Variants in C12orf50 observed in about 807,000 individuals in gnomAD.
The protein encoded by C12orf50 is uncharacterized protein C12orf50.
C12orf50 carries 35 observed loss-of-function variants against 61.6 expected under a neutral mutation model. The observed-to-expected ratio is 0.57, with a 90% CI of 0.43 to 0.75. The LOEUF is 0.75. Among genes scored for constraint, C12orf50 ranks in the 30% least tolerant of loss-of-function variants. The pLI is 0.00. For missense variants in C12orf50, 475 were observed against 488.5 expected, an observed-to-expected ratio of 0.97 and a Z score of 0.26; for synonymous variants, 178 against 161.5, an observed-to-expected ratio of 1.10 and a Z score of -0.77.
chr12:88,018,102 T>C (rs1368356763), intron 3 of C12orf50, among the ~76,000 whole-genome samples: 1 of 152,234 alleles, frequency 6.6e-6, no homozygotes, highest in African/African-American at 2.4e-5. Context: ...ATGTCTCCAA[T>C]GTATGTCAGG....
At chr12:88,007,580 A>G (rs1174278914) in intron 3 of C12orf50, among the ~76,000 whole-genome samples, 1 of 152,220 alleles carries the variant, frequency 6.6e-6, no homozygotes, top group African/African-American at 2.4e-5. Context: ...ACACAGAAGA[A>G]GGCAGAAGGG....
chr12:88,019,906 A>T (rs1178485802), intron 3 of C12orf50, among the ~76,000 whole-genome samples: 1 of 152,234 alleles, frequency 6.6e-6, no homozygotes, highest in South Asian at 2.1e-4. Context: ...GAGAAAAAAA[A>T]ATTCCAACCA....
chr12:88,029,930 T>C (rs140772022), upstream of C12orf50, among the ~76,000 whole-genome samples: 664 of 152,318 alleles, frequency 4.4e-3, 5 homozygotes, highest in African/African-American at 0.015. Context: ...CTTCTTCCTA[T>C]AGCAGAAAGT....
intron 7 of C12orf50, among the ~76,000 whole-genome samples, chr12:87,990,928 A>G (rs2031091242): frequency 6.6e-6 from 1 of 152,140 alleles, no homozygotes; most frequent in Admixed American, 6.6e-5. Flanking sequence ...CTGGGAGGCT[A>G]AAAACTGGTC....
At chr12:88,008,579 ATTTATATAATTCTTAAATAAAGAATTG>A (rs1250644157) in intron 3 of C12orf50, among the ~76,000 whole-genome samples, 1 of 152,112 alleles carries the variant, frequency 6.6e-6, no homozygotes, top group African/African-American at 2.4e-5. Context: ...ATAAAGAATT[ATTTATATAATTCTTAAATAAAGAATTG>A]TTTGCTTAAG....
chr12:87,980,632 C>T (rs1012819790), intron 12 of C12orf50, among the ~76,000 whole-genome samples: 3 of 152,072 alleles, frequency 2.0e-5, no homozygotes, highest in South Asian at 2.1e-4. Context: ...AACGAAGGCT[C>T]CATCATATGG....
chr12:88,018,755 C>T (rs2032405286), intron 3 of C12orf50, among the ~76,000 whole-genome samples: 1 of 152,196 alleles, frequency 6.6e-6, no homozygotes, highest in South Asian at 2.1e-4. Context: ...GACCTGGAGT[C>T]AAAGGAGATC....
In C12orf50 at chr12:87,980,231, G is replaced by A; in HGVS notation, c.*100C>T. 8.7e-7 allele frequency: 1 copy of A among 1,144,054 alleles called. No individual in the cohort carries two copies. Among genetic ancestry groups the A allele is most frequent in the Non-Finnish European group, 1.3e-6 (1 of 769,462 alleles). 70.9% of individuals were successfully genotyped at this position (1,144,054 alleles called of 1,614,324 possible). On this transcript the variant is annotated 3_prime_UTR_variant, in exon 13 of 13. Coordinates refer to ENST00000298699, the MANE Select transcript of C12orf50 (RefSeq NM_152589.3). ...CTTTGGCTATCCACTACATAACATG[G>A]AGTACTTGAGTATCTCATTCTTTGA...
chr12:88,007,650 A>G (rs973641650), intron 3 of C12orf50, among the ~76,000 whole-genome samples: 1 of 152,212 alleles, frequency 6.6e-6, no homozygotes, highest in Admixed American at 6.5e-5. Context: ...CCTTAATCCT[A>G]TTCATATTCA....
At chr12:88,013,861 G>A (rs1306370199) in intron 3 of C12orf50, among the ~76,000 whole-genome samples, 1 of 152,180 alleles carries the variant, frequency 6.6e-6, no homozygotes, top group Non-Finnish European at 1.5e-5. Context: ...TTTGGTGGTT[G>A]TTGTTTTAAG....
At chr12:88,026,880 G>T in intron 2 of C12orf50, 71 bp downstream of exon 2, 1 of 1,544,230 alleles carries the variant, frequency 6.5e-7, no homozygotes, top group South Asian at 1.3e-5. Context: ...ATATTGTTTT[G>T]AAAAAGTATA....
intron 3 of C12orf50, among the ~76,000 whole-genome samples, chr12:88,000,669 C>G (rs2031618656): frequency 6.6e-6 from 1 of 151,866 alleles, no homozygotes; most frequent in Non-Finnish European, 1.5e-5. Flanking sequence ...AGTCTATGAA[C>G]AAGGATATCT....
intron 3 of C12orf50, among the ~76,000 whole-genome samples, chr12:88,000,386 T>C (rs1393042154): frequency 1.3e-5 from 2 of 152,116 alleles, no homozygotes; most frequent in Non-Finnish European, 2.9e-5. Context: ...CCTGTCTCAA[T>C]GACATATAGA....
chr12:88,018,839 C>A (rs942703394), intron 3 of C12orf50, among the ~76,000 whole-genome samples: 10 of 152,126 alleles, frequency 6.6e-5, no homozygotes, highest in Non-Finnish European at 1.5e-4. Context: ...TTTGTTTTGC[C>A]CAGTTTCTCC....
At chr12:88,010,341 T>C (rs917728848) in intron 3 of C12orf50, among the ~76,000 whole-genome samples, 1 of 151,326 alleles carries the variant, frequency 6.6e-6, no homozygotes, top group Non-Finnish European at 1.5e-5. Flanking sequence ...TTAGTTGTAA[T>C]TGAGATTATT....
At chr12:87,994,818 T>A in intron 6 of C12orf50, 75 bp from the exon 7 acceptor site, 1 of 898,942 alleles carries the variant, frequency 1.1e-6, no homozygotes, top group Admixed American at 2.3e-5. Flanking sequence ...ATAGAATGCA[T>A]GATGAAAGTA....
At chr12:87,982,137 T>G (rs972494650) in intron 12 of C12orf50, among the ~76,000 whole-genome samples, 2 of 151,984 alleles carry the variant, frequency 1.3e-5, no homozygotes, top group African/African-American at 4.8e-5. Flanking sequence ...CATAGGAGGA[T>G]CATAGGAGAA....
intron 4 of C12orf50, among the ~76,000 whole-genome samples, chr12:87,996,975 T>G (rs1406073354): frequency 1.3e-5 from 2 of 152,144 alleles, no homozygotes; most frequent in African/African-American, 2.4e-5. Flanking sequence ...GAAATAGTAA[T>G]AAATAGCTCA....
intron 3 of C12orf50, among the ~76,000 whole-genome samples, chr12:88,026,270 G>T (rs918482883): frequency 6.6e-6 from 1 of 152,164 alleles, no homozygotes; most frequent in Admixed American, 6.5e-5. Flanking sequence ...TACACATAGA[G>T]AAAGTTTAAC....
Sources: gnomAD v4.1 joint callset for allele counts (sites outside exome capture counted in the v4.1 genomes callset) on GRCh38, gnomAD v4.1.1 for gene constraint, MANE v1.5 for transcripts, NCBI Gene and HGNC (gene_info 2026-07-23, HGNC 2026-07-21) for gene names.